The following DCLK2 variants were observed in gnomAD, a reference collection of about 807,000 sequenced individuals.
The protein encoded by DCLK2 is doublecortin like kinase 2.
DCLK2 carries 31 observed loss-of-function variants against 78.4 expected under a neutral mutation model. The observed-to-expected ratio is 0.40, with a 90% CI of 0.30 to 0.53. DCLK2 has a LOEUF of 0.53. DCLK2 is among the 20% of genes least tolerant of loss of function. The probability of loss-of-function intolerance (pLI) is 0.61; values close to 1 mark genes in which losing one functional copy is unlikely to be tolerated. For missense variants in DCLK2, 872 were observed against 973.7 expected (o/e 0.90, Z 1.39); for synonymous variants, 407 against 374.9 (o/e 1.09, Z -0.99).
chr4:150,235,112 C>A (rs1159174474), intron 10 of DCLK2, among the ~76,000 whole-genome samples: 1 of 152,260 alleles, frequency 6.6e-6, no homozygotes, highest in African/African-American at 2.4e-5. Flanking sequence ...CCCAAGGAAC[C>A]CCTGCAGCCA....
intron 4 of DCLK2, among the ~76,000 whole-genome samples, chr4:150,200,370 A>G (rs1404750783): frequency 5.3e-5 from 8 of 152,346 alleles, no homozygotes; most frequent in Admixed American, 4.6e-4. Context: ...GATCTTTTTT[A>G]TAAGAGATTA....
chr4:150,243,971 G>A (rs1232397640), intron 12 of DCLK2, among the ~76,000 whole-genome samples: 4 of 150,518 alleles, frequency 2.7e-5, no homozygotes. Flanking sequence ...CAGGGTCTCT[G>A]TTGACCAGGC....
At chr4:150,093,457 C>G (rs1730234523) in intron 1 of DCLK2, among the ~76,000 whole-genome samples, 1 of 152,242 alleles carries the variant, frequency 6.6e-6, no homozygotes. Context: ...TCTTGGCTTA[C>G]TGCAACCTCC....
chr4:150,114,758 A>T (rs1731950603), intron 2 of DCLK2, among the ~76,000 whole-genome samples: 1 of 152,192 alleles, frequency 6.6e-6, no homozygotes. Context: ...GAAGTCTTCC[A>T]TTAGTCTGAT....
chr4:150,112,827 C>G (rs1731793208), intron 2 of DCLK2, among the ~76,000 whole-genome samples: 1 of 103,502 alleles, frequency 9.7e-6, no homozygotes, highest in Non-Finnish European at 1.8e-5. Flanking sequence ...CGCCCCCCGC[C>G]CCGGACAGAG....
At chr4:150,238,956 A>T (rs570798717) in intron 10 of DCLK2, among the ~76,000 whole-genome samples, 1 of 152,150 alleles carries the variant, frequency 6.6e-6, no homozygotes, top group African/African-American at 2.4e-5. Flanking sequence ...GCTGCCCCCA[A>T]TTTTATTTTC....
chr4:150,240,663 T>G (rs1742852166), intron 12 of DCLK2, among the ~76,000 whole-genome samples, 187 bp downstream of exon 12: 1 of 148,310 alleles, frequency 6.7e-6, no homozygotes, highest in Non-Finnish European at 1.5e-5. Flanking sequence ...GACGAGTTAG[T>G]GGGTGCAGCG....
At chr4:150,255,351 G>A (rs2126656014) in intron 15 of DCLK2, among the ~76,000 whole-genome samples, 1 of 152,346 alleles carries the variant, frequency 6.6e-6, no homozygotes, top group South Asian at 2.1e-4. Context: ...CCCTTCCCCA[G>A]CCAGGCTTAG....
At chr4:150,153,831 G>T (rs373456646) in intron 2 of DCLK2, among the ~76,000 whole-genome samples, 13 of 152,216 alleles carry the variant, frequency 8.5e-5, no homozygotes, top group East Asian at 7.8e-4. Context: ...ATCTAGCTGT[G>T]CTAGAAAACC....
At chr4:150,151,396 C>A (rs900535341) in intron 2 of DCLK2, among the ~76,000 whole-genome samples, 3 of 152,192 alleles carry the variant, frequency 2.0e-5, no homozygotes, top group African/African-American at 7.2e-5. Flanking sequence ...AGAACCTCTG[C>A]ATGCCCCAGA....
chr4:150,153,994 G>A (rs775732279), intron 2 of DCLK2, among the ~76,000 whole-genome samples: 12 of 152,074 alleles, frequency 7.9e-5, no homozygotes, highest in Non-Finnish European at 1.8e-4. Flanking sequence ...ACAAAAGGGC[G>A]TAATTTCAGA....
chr4:150,196,184 A>T (rs1396799236), intron 3 of DCLK2, among the ~76,000 whole-genome samples: 1 of 152,150 alleles, frequency 6.6e-6, no homozygotes, highest in African/African-American at 2.4e-5. Flanking sequence ...AATTCAGTTT[A>T]CCTGATCTTA....
rs528278855 is a variant in DCLK2 at position 150,200,688 on chromosome 4, A to G, written c.961+2585A>G. ...GGTAACTTTATGAACATAATATTGT[A>G]CCTTTTCAATCTTGGGGCAGAAGTC... On this transcript the variant is annotated intron_variant, in intron 4 of 15. Transcript: ENST00000296550. Among the ~76,000 whole-genome samples the G allele has an allele frequency of 2.6e-5, 4 of 152,336 alleles. No individual in the cohort carries two copies. In the South Asian group the frequency reaches 8.3e-4, roughly 32 times the overall value.
At chr4:150,154,169 G>C (rs1735093484) in intron 2 of DCLK2, among the ~76,000 whole-genome samples, 1 of 152,182 alleles carries the variant, frequency 6.6e-6, no homozygotes, top group Admixed American at 6.5e-5. Context: ...CATAGACCTG[G>C]TTCATAAGGG....
intron 5 of DCLK2, among the ~76,000 whole-genome samples, chr4:150,218,295 A>T (rs1207507694): frequency 6.6e-6 from 1 of 152,160 alleles, no homozygotes; most frequent in African/African-American, 2.4e-5. Flanking sequence ...GTAGGGTGGG[A>T]GTGAAGGTTT....
intron 2 of DCLK2, among the ~76,000 whole-genome samples, chr4:150,128,728 A>G (rs975262154): frequency 6.6e-6 from 1 of 152,190 alleles, no homozygotes; most frequent in African/African-American, 2.4e-5. Flanking sequence ...TTCATAGGGT[A>G]AAGATTTGGT....
At chr4:150,184,662 C>A (rs60447192) in intron 2 of DCLK2, among the ~76,000 whole-genome samples, 1 of 148,552 alleles carries the variant, frequency 6.7e-6, no homozygotes, top group Non-Finnish European at 1.5e-5. Flanking sequence ...AGTGCAGTAG[C>A]GCGATCTCGG....
intron 2 of DCLK2, among the ~76,000 whole-genome samples, chr4:150,148,497 A>G (rs1013303713): frequency 6.6e-6 from 1 of 152,018 alleles, no homozygotes; most frequent in Non-Finnish European, 1.5e-5. Flanking sequence ...CCCTGGACTG[A>G]AGCAATCCTC....
intron 1 of DCLK2, among the ~76,000 whole-genome samples, chr4:150,099,685 T>C (rs1191794315): frequency 6.6e-6 from 1 of 152,160 alleles, no homozygotes; most frequent in Non-Finnish European, 1.5e-5. Context: ...GCACCTAACA[T>C]GAGAGCTTGT....
Sources: allele counts gnomAD v4.1 joint callset (sites outside exome capture counted in the v4.1 genomes callset), GRCh38; gene constraint gnomAD v4.1.1; transcripts MANE v1.5; gene names NCBI Gene and HGNC (gene_info 2026-07-23, HGNC 2026-07-21).